The following FAM171A1 variants were observed in gnomAD, a reference collection of about 807,000 sequenced individuals.
FAM171A1 encodes protein FAM171A1.
In FAM171A1, 23 loss-of-function variants were observed where a neutral mutation model predicts 74.9. The ratio of observed to expected loss-of-function variants is 0.31; its 90% CI spans 0.22 to 0.44. The LOEUF is 0.44. Ranked by LOEUF, FAM171A1 falls within the 20% of genes least tolerant of loss-of-function variation. FAM171A1 has a pLI of 1.00. For synonymous variants in FAM171A1, 527 were observed against 505.7 expected (o/e 1.04, Z -0.57); for missense variants, 1,162 against 1,159.2 (o/e 1.00, Z -0.03).
chr10:15,241,934 T>C (rs769236449), intron 5 of FAM171A1, among the ~76,000 whole-genome samples: 2 of 152,210 alleles, frequency 1.3e-5, no homozygotes, highest in Non-Finnish European at 1.5e-5. Context: ...GTAAAAATGA[T>C]TCTTAGCTTT....
intron 3 of FAM171A1, among the ~76,000 whole-genome samples, chr10:15,266,703 C>T (rs189327642): frequency 4.0e-5 from 6 of 151,618 alleles, no homozygotes; most frequent in Non-Finnish European, 2.9e-5. Context: ...CCCGTCTCTA[C>T]TAAAAATAAA....
intron 1 of FAM171A1, among the ~76,000 whole-genome samples, chr10:15,331,327 C>G (rs1054430981): frequency 6.6e-6 from 1 of 152,152 alleles, no homozygotes; most frequent in African/African-American, 2.4e-5. Context: ...TCCTCAAAGT[C>G]ACAGGACTCA....
At chr10:15,220,425 A>G (rs1253202363) in intron 6 of FAM171A1, among the ~76,000 whole-genome samples, 1 of 152,226 alleles carries the variant, frequency 6.6e-6, no homozygotes, top group Admixed American at 6.5e-5. Flanking sequence ...AAAATAAACT[A>G]TTGGTCACGT....
chr10:15,264,789 AT>A (rs1834716778), intron 3 of FAM171A1, among the ~76,000 whole-genome samples: 1 of 152,142 alleles, frequency 6.6e-6, no homozygotes, highest in Non-Finnish European at 1.5e-5. Flanking sequence ...CTTAAAAAAA[AT>A]AAATAAACTG....
chr10:15,372,498 C>T (rs189257266), upstream of FAM171A1, among the ~76,000 whole-genome samples: 461 of 151,088 alleles, frequency 3.1e-3, 1 homozygote, highest in Admixed American at 4.2e-3. Context: ...AGTTAAGAGA[C>T]CAGCTGGGCC....
rs779412516 is a variant in FAM171A1 at position 15,214,237 on chromosome 10, CACTTGGAGTGAGGTT to C, written c.1336_1350del (p.Asn446_Ser450del). The C allele has an allele frequency of 6.2e-6, 10 of 1,614,072 alleles. No homozygotes were observed. Among genetic ancestry groups the C allele is most frequent in the Non-Finnish European group, 8.5e-6 (10 of 1,180,038 alleles). On this transcript the variant is annotated inframe_deletion, in exon 8 of 8. Transcript: ENST00000378116. The stretch of plus-strand genomic sequence containing the variant: ...TTATGGTAGTCTTTCCCCAGCGTCC[CACTTGGAGTGAGGTT>C]ATCAAAGGAGATCTGGCTTTTATCC...
At chr10:15,278,019 G>A (rs906475348) in intron 2 of FAM171A1, among the ~76,000 whole-genome samples, 5 of 152,130 alleles carry the variant, frequency 3.3e-5, no homozygotes, top group Admixed American at 6.5e-5. Context: ...GCCTCCCAAA[G>A]TGCTGGGATT....
intron 3 of FAM171A1, among the ~76,000 whole-genome samples, chr10:15,266,305 C>T (rs901033792): frequency 6.6e-6 from 1 of 152,278 alleles, no homozygotes; most frequent in African/African-American, 2.4e-5. Flanking sequence ...GGACTGGTTA[C>T]CCCCAAGCTG....
intron 1 of FAM171A1, among the ~76,000 whole-genome samples, chr10:15,325,875 C>T (rs935041367): frequency 2.6e-5 from 4 of 152,116 alleles, no homozygotes; most frequent in Non-Finnish European, 5.9e-5. Flanking sequence ...AAAGAAAGGG[C>T]TCTGCCAAGT....
chr10:15,251,331 T>G (rs1337001507), intron 4 of FAM171A1, among the ~76,000 whole-genome samples: 1 of 152,158 alleles, frequency 6.6e-6, no homozygotes. Flanking sequence ...CAGGGCTTCA[T>G]TAAATGCCTG....
chr10:15,309,069 G>C (rs1176735270), intron 1 of FAM171A1, among the ~76,000 whole-genome samples: 1 of 152,024 alleles, frequency 6.6e-6, no homozygotes, highest in Non-Finnish European at 1.5e-5. Context: ...TTGCAAACCT[G>C]GTCCTACTTT....
rs201771383 is a variant in FAM171A1 at position 15,249,592 on chromosome 10, CT to C, written c.578-778del. 2.5e-3 allele frequency among the ~76,000 whole-genome samples: 378 copies of C among 151,314 alleles called. 2 individuals are homozygous for C. Among genetic ancestry groups the C allele is most frequent in the African/African-American group, 8.9e-3 (366 of 41,296 alleles). On this transcript the variant is annotated intron_variant, in intron 4 of 7. Coordinates refer to ENST00000378116, the MANE Select transcript of FAM171A1 (RefSeq NM_001010924.2). ...ACCAAATGTTTTAGAGCAGAGGCTG[CT>C]TTTTTTTTAACATAGCAAATTTCTT...
chr10:15,330,958 C>T (rs967384844), intron 1 of FAM171A1, among the ~76,000 whole-genome samples: 3 of 151,628 alleles, frequency 2.0e-5, no homozygotes, highest in Non-Finnish European at 4.4e-5. Flanking sequence ...GGCATGATCT[C>T]GGCTCACTGC....
chr10:15,292,735 C>T (rs1038900800), intron 1 of FAM171A1, among the ~76,000 whole-genome samples: 3 of 152,168 alleles, frequency 2.0e-5, no homozygotes, highest in Non-Finnish European at 4.4e-5. Flanking sequence ...ATCCACCCGT[C>T]TCGTCCTCCC....
chr10:15,264,909 T>C (rs751349585), intron 3 of FAM171A1, among the ~76,000 whole-genome samples: 1 of 152,188 alleles, frequency 6.6e-6, no homozygotes, highest in Non-Finnish European at 1.5e-5. Context: ...TAGCTACATA[T>C]GGCTTTCTTC....
intron 1 of FAM171A1, among the ~76,000 whole-genome samples, chr10:15,292,969 A>T (rs1354479492): frequency 3.9e-5 from 6 of 152,150 alleles, no homozygotes; most frequent in Non-Finnish European, 7.3e-5. Flanking sequence ...TAAAACGTCG[A>T]TCCCAGCCTC....
chr10:15,267,107 G>A (rs1834754289), intron 3 of FAM171A1, among the ~76,000 whole-genome samples: 1 of 152,192 alleles, frequency 6.6e-6, no homozygotes, highest in Non-Finnish European at 1.5e-5. Context: ...CCAATCCTAA[G>A]TCAAAGGCTA....
rs141649049 is a variant in FAM171A1 at position 15,243,101 on chromosome 10, C to T, written c.754+5538G>A. 4.5e-4 allele frequency among the ~76,000 whole-genome samples: 69 copies of T among 152,106 alleles called. No individual in the cohort carries two copies. In the East Asian group the frequency reaches 0.011, roughly 24 times the overall value. On this transcript the variant is annotated intron_variant, in intron 5 of 7. Transcript: ENST00000378116. The stretch of plus-strand genomic sequence containing the variant: ...AAGGAGTCCACAGGGCCGGTTTCTC[C>T]TGGAGGCTCAGAAGGGAGAATCCCT...
In FAM171A1 at chr10:15,213,745, G is replaced by C; in HGVS notation, c.1843C>G (p.Gln615Glu). ...GCATGGGGATTGGACAGCTCAGCCT[G>C]TAGTCTTTCTATCTCAAGCTGCTGA... ...ADQQLEIERL[Q>E]AELSNPHAGI... is the part of the protein sequence containing the mutation. The change falls in exon 8 of 8, where the codon CAG (glutamine) becomes GAG (glutamate). Residue 615 changes from glutamine to glutamate, a missense_variant. By Grantham distance (29) the Gln-to-Glu change is conservative. Transcript: ENST00000378116. The surrounding 1 kb of genome is among the most constrained non-coding windows in gnomAD (Gnocchi z 6.8). The C allele has an allele frequency of 6.2e-7, 1 of 1,613,900 alleles. No individual in the cohort carries two copies. Among genetic ancestry groups the C allele is most frequent in the Non-Finnish European group, 8.5e-7 (1 of 1,179,868 alleles).
Sources: gnomAD v4.1 joint callset for allele counts (sites outside exome capture counted in the v4.1 genomes callset) on GRCh38, gnomAD v4.1.1 for gene constraint, Gnocchi (gnomAD v3.1) non-coding constraint, MANE v1.5 for transcripts, NCBI Gene and HGNC (gene_info 2026-07-23, HGNC 2026-07-21) for gene names.